CADM2: variants seen among roughly 807,000 people sequenced by gnomAD.
CADM2 encodes the protein cell adhesion molecule 2, also known as immunoglobulin superfamily member 4D.
Under a neutral mutation model 49.8 loss-of-function variants are expected in CADM2, and 12 were observed. The observed-to-expected ratio is 0.24, with a 90% CI of 0.15 to 0.39. CADM2 has a LOEUF of 0.39. Among genes scored for constraint, CADM2 ranks in the 10% least tolerant of loss-of-function variants. The pLI is 1.00. For missense variants in CADM2, 378 were observed against 492.3 expected, an observed-to-expected ratio of 0.77 and a Z score of 2.20; for synonymous variants, 214 against 175.4, an observed-to-expected ratio of 1.22 and a Z score of -1.74.
In CADM2 at chr3:85,476,466, C is replaced by T. The variant is rs151176622; in HGVS notation, c.62-250056C>T. On this transcript the variant is annotated intron_variant, in intron 1 of 9. Coordinates refer to ENST00000383699, the MANE Select transcript of CADM2 (RefSeq NM_001167675.2). The stretch of plus-strand genomic sequence containing the variant: ...AATATAGCAGAGTGGCAAAGAAGAA[C>T]GTAGAAATATCCAATTGCAGAGGGA... Among the ~76,000 whole-genome samples, 92 of 151,870 alleles carry T rather than the reference C, an allele frequency of 6.1e-4. 1 individual carries two copies. Among genetic ancestry groups the T allele is most frequent in the African/African-American group, 2.0e-3 (85 of 41,484 alleles).
At chr3:85,431,221 C>A (rs1013155630) in intron 1 of CADM2, among the ~76,000 whole-genome samples, 2 of 152,058 alleles carry the variant, frequency 1.3e-5, no homozygotes, top group African/African-American at 4.8e-5. Flanking sequence ...GGCATATTAT[C>A]TAGTTTTATG....
intron 1 of CADM2, among the ~76,000 whole-genome samples, chr3:85,448,864 CA>C (rs1482835072): frequency 6.6e-6 from 1 of 151,476 alleles, no homozygotes; most frequent in African/African-American, 2.4e-5. Context: ...TCCTGGCTAA[CA>C]CGGTGAAACC....
chr3:85,290,672 G>A (rs2043765774), intron 1 of CADM2, among the ~76,000 whole-genome samples: 1 of 152,170 alleles, frequency 6.6e-6, no homozygotes, highest in Non-Finnish European at 1.5e-5. Context: ...CCCCCAGCAG[G>A]GGCAGACTGA....
At chr3:85,889,086 C>T (rs185220482) in intron 5 of CADM2, among the ~76,000 whole-genome samples, 99 of 152,198 alleles carry the variant, frequency 6.5e-4, no homozygotes, top group African/African-American at 2.4e-3. Context: ...AGTGAAGATG[C>T]AAATGAGAAA....
rs190880180 is a variant in CADM2 at position 85,801,731 on chromosome 3, C to A, written c.89-316C>A. Among the ~76,000 whole-genome samples, 5 of 152,104 alleles carry A rather than the reference C, an allele frequency of 3.3e-5. No individual in the cohort carries two copies. The East Asian group carries it at 9.7e-4, about 29-fold the overall frequency. ...CTTCAACAATGACCAAGTTTAGTAC[C>A]GTATTAACTAATGCAAAGCCTAGGG... On this transcript the variant is annotated intron_variant, in intron 2 of 9. Coordinates refer to ENST00000383699, the MANE Select transcript of CADM2 (RefSeq NM_001167675.2).
chr3:85,908,316 G>C (rs1307312313), intron 5 of CADM2, among the ~76,000 whole-genome samples: 2 of 137,788 alleles, frequency 1.5e-5, no homozygotes, highest in African/African-American at 5.5e-5. Flanking sequence ...ACTTATTTTG[G>C]GTGCTCCAGT....
intron 1 of CADM2, among the ~76,000 whole-genome samples, chr3:85,546,471 CT>C (rs2061672278): frequency 6.6e-6 from 1 of 151,960 alleles, no homozygotes; most frequent in Non-Finnish European, 1.5e-5. Context: ...CTCTCTTGTT[CT>C]TTTGTTTTCA....
At chr3:85,673,441 A>C (rs948748191) in intron 1 of CADM2, among the ~76,000 whole-genome samples, 1 of 151,548 alleles carries the variant, frequency 6.6e-6, no homozygotes, top group African/African-American at 2.4e-5. Context: ...CACCAAGGTT[A>C]TAGTGTGCTT....
At chr3:86,009,022 G>A (rs1731144001) in intron 8 of CADM2, among the ~76,000 whole-genome samples, 1 of 148,356 alleles carries the variant, frequency 6.7e-6, no homozygotes. Context: ...ACACTAAATA[G>A]TATTGACTGC....
intron 1 of CADM2, among the ~76,000 whole-genome samples, chr3:85,583,257 T>C: frequency 6.6e-6 from 1 of 152,106 alleles, no homozygotes; most frequent in East Asian, 1.9e-4. Context: ...ATGGCTTCAT[T>C]CACTCATTTA....
intron 1 of CADM2, among the ~76,000 whole-genome samples, chr3:85,515,051 G>C (rs1036008600): frequency 6.6e-6 from 1 of 152,082 alleles, no homozygotes; most frequent in Admixed American, 6.6e-5. Context: ...AGTACAAAAA[G>C]TCTTTAGATA....
intron 1 of CADM2, among the ~76,000 whole-genome samples, chr3:85,374,703 A>G (rs532841095): frequency 6.6e-6 from 1 of 152,252 alleles, no homozygotes; most frequent in East Asian, 1.9e-4. Flanking sequence ...GGAGGAGAAA[A>G]GTCAATCTTA....
chr3:85,288,794 C>CCCA lies in CADM2; in HGVS notation c.61+329127_61+329128insCAC, dbSNP rs1553704671. Among the ~76,000 whole-genome samples the CCCA allele has an allele frequency of 9.0e-5, 12 of 132,824 alleles. 3 individuals are homozygous for CCCA. Among genetic ancestry groups the CCCA allele is most frequent in the South Asian group, 8.4e-4 (3 of 3,592 alleles). The allele number at this position is 132,824 out of a possible 152,430, so 87.1% of individuals were successfully genotyped here. A position where few individuals can be genotyped will look rare whatever the true frequency, so the allele number is the denominator to read the frequency against. ...CTGCTTTACCAATATGCCCCCCCCC[C>CCCA]CTCTTTTTTTCCATCATGGCTAATT... On this transcript the variant is annotated intron_variant, in intron 1 of 9. Transcript: ENST00000383699.
chr3:85,254,942 G>A (rs527466459), intron 1 of CADM2, among the ~76,000 whole-genome samples: 2 of 152,170 alleles, frequency 1.3e-5, no homozygotes, highest in African/African-American at 2.4e-5. Context: ...TTATCCCTGC[G>A]AGTCAGCCTC....
At chr3:85,863,786 A>G (rs922073357) in intron 3 of CADM2, among the ~76,000 whole-genome samples, 1 of 152,236 alleles carries the variant, frequency 6.6e-6, no homozygotes, top group East Asian at 1.9e-4. Context: ...TTGATAATAC[A>G]TATTTGCTCA....
chr3:85,707,393 C>CTTTTTTTTTTTTTTT (rs34006416), intron 1 of CADM2, among the ~76,000 whole-genome samples: 1 of 128,662 alleles, frequency 7.8e-6, no homozygotes, highest in Non-Finnish European at 1.6e-5. Context: ...ATCATTGTAT[C>CTTTTTTTTTTTTTTT]TTTTTTTTTT....
intron 1 of CADM2, among the ~76,000 whole-genome samples, chr3:85,333,323 A>G (rs2044988144): frequency 6.6e-6 from 1 of 151,864 alleles, no homozygotes; most frequent in Admixed American, 6.6e-5. Context: ...GTAAATAATG[A>G]GGGTGATAGA....
At chr3:85,154,189 T>G in intron 1 of CADM2, among the ~76,000 whole-genome samples, 1 of 152,074 alleles carries the variant, frequency 6.6e-6, no homozygotes, top group Non-Finnish European at 1.5e-5. Context: ...TGAAAACTTT[T>G]TAAAAAATTT....
At chr3:85,108,832 G>A (rs1256143681) in intron 1 of CADM2, among the ~76,000 whole-genome samples, 1 of 151,906 alleles carries the variant, frequency 6.6e-6, no homozygotes, top group African/African-American at 2.4e-5. Flanking sequence ...AAACAACAAG[G>A]AAAAAGTGAT....
Sources: allele counts gnomAD v4.1 joint callset (sites outside exome capture counted in the v4.1 genomes callset), GRCh38; gene constraint gnomAD v4.1.1; transcripts MANE v1.5; gene names NCBI Gene and HGNC (gene_info 2026-07-23, HGNC 2026-07-21).